CDH8: variants seen among roughly 807,000 people sequenced by gnomAD.
CDH8 encodes the protein cadherin 8.
A neutral mutation model predicts 68.1 loss-of-function variants in CDH8; 17 were observed. That is an observed-to-expected ratio of 0.25 (90% CI 0.17 to 0.37). The LOEUF (loss-of-function observed/expected upper bound fraction) is 0.37, where lower values mean the gene tolerates loss of function less well. Ranked by LOEUF, CDH8 falls within the 10% of genes least tolerant of loss-of-function variation. The pLI is 1.00. For missense variants in CDH8, 763 were observed against 999.3 expected (o/e 0.76, Z 3.19); for synonymous variants, 372 against 365.1 (o/e 1.02, Z -0.21).
At chr16:61,705,646 A>T (rs1249279680) in intron 10 of CDH8, among the ~76,000 whole-genome samples, 1 of 152,172 alleles carries the variant, frequency 6.6e-6, no homozygotes, top group African/African-American at 2.4e-5. Context: ...CACCATTCTG[A>T]CCAGACAAAT....
intron 10 of CDH8, among the ~76,000 whole-genome samples, chr16:61,665,323 A>G (rs1596844670): frequency 6.6e-6 from 1 of 152,042 alleles, no homozygotes; most frequent in African/African-American, 2.4e-5. Flanking sequence ...AGTGTGGCAC[A>G]TATACTCCAT....
At chr16:61,899,054 G>A (rs1449111289) in intron 3 of CDH8, among the ~76,000 whole-genome samples, 6 of 152,048 alleles carry the variant, frequency 3.9e-5, no homozygotes, top group African/African-American at 9.7e-5. Flanking sequence ...AGGTATGCAC[G>A]TGCCATGGTG....
intron 8 of CDH8, among the ~76,000 whole-genome samples, chr16:61,727,832 C>T (rs1596905801): frequency 1.3e-5 from 2 of 151,206 alleles, no homozygotes; most frequent in East Asian, 3.9e-4. Flanking sequence ...TTTATCAATG[C>T]AAACGAATAA....
intron 2 of CDH8, among the ~76,000 whole-genome samples, chr16:61,960,213 GTGTGTGTGTATACACACATATATACA>G (rs1965102242): frequency 4.3e-5 from 1 of 23,062 alleles, no homozygotes. Flanking sequence ...ATATATACAT[GTGTGTGTGTATACACACATATATACA>G]TGTGTGTGTG....
Position 61,653,544 on chromosome 16 carries a change from T to C in CDH8, c.*64A>G. 10 of 1,527,452 alleles carry C rather than the reference T, an allele frequency of 6.5e-6. 1 individual carries two copies. Among genetic ancestry groups the C allele is most frequent in the South Asian group, 2.6e-5 (2 of 75,794 alleles). The allele number at this position is 1,527,452 out of a possible 1,614,324, so 94.6% of individuals were successfully genotyped here. Reference sequence around the variant, plus strand: ...AACAAATAGCCACATTGGTTGTATCTAAGGGGAGTGACCCTAGAATATTAC... The same window carrying C: ...AACAAATAGCCACATTGGTTGTATCCAAGGGGAGTGACCCTAGAATATTAC... On this transcript the variant is annotated 3_prime_UTR_variant, in exon 12 of 12. Coordinates refer to ENST00000577390, the MANE Select transcript of CDH8 (RefSeq NM_001796.5).
rs146967906 is a variant in CDH8, at chr16:61,888,123, G to GA, written c.547+13055_547+13056insT. On this transcript the variant is annotated intron_variant, in intron 3 of 11. Transcript: ENST00000577390. ...TTCAGCAGATCTGCAAGCTCACCAT[G>GA]TTGGCATGCAGCAACATCCAGGCTC... 3.5e-3 allele frequency among the ~76,000 whole-genome samples: 537 copies of GA among 152,256 alleles called. 3 individuals are homozygous for GA. Among genetic ancestry groups the GA allele is most frequent in the Non-Finnish European group, 5.5e-3 (374 of 68,014 alleles).
intron 2 of CDH8, among the ~76,000 whole-genome samples, chr16:62,009,035 A>ACG (rs1901741941): frequency 6.9e-6 from 1 of 145,314 alleles, no homozygotes; most frequent in East Asian, 2.0e-4. Context: ...CACACACAAA[A>ACG]AAAAAAAAAA....
chr16:61,756,177 T>G (rs1596937083), intron 8 of CDH8, among the ~76,000 whole-genome samples: 1 of 152,154 alleles, frequency 6.6e-6, no homozygotes, highest in East Asian at 1.9e-4. Context: ...CACTGATATT[T>G]TGTACATTTT....
intron 2 of CDH8, among the ~76,000 whole-genome samples, chr16:61,933,156 T>C (rs1042376125): frequency 3.3e-5 from 5 of 152,220 alleles, no homozygotes; most frequent in African/African-American, 1.2e-4. Flanking sequence ...TACAGCCAAA[T>C]TTAAATCTAG....
chr16:61,996,673 CAAATT>C (rs978199061), intron 2 of CDH8, among the ~76,000 whole-genome samples: 6 of 152,122 alleles, frequency 3.9e-5, no homozygotes, highest in African/African-American at 7.2e-5. Context: ...TTTCAAAACA[CAAATT>C]AAATTATATT....
chr16:61,701,972 A>G (rs1338804492), intron 10 of CDH8, among the ~76,000 whole-genome samples: 1 of 152,148 alleles, frequency 6.6e-6, no homozygotes, highest in Non-Finnish European at 1.5e-5. Context: ...AACAATTTCT[A>G]TGTTTTTCTA....
chr16:61,666,761 AG>A (rs1963687794), intron 10 of CDH8, among the ~76,000 whole-genome samples: 1 of 152,054 alleles, frequency 6.6e-6, no homozygotes, highest in Non-Finnish European at 1.5e-5. Flanking sequence ...TGTGTTTAGT[AG>A]GTATGGACAA....
chr16:61,656,588 G>A (rs1000227361), intron 10 of CDH8, among the ~76,000 whole-genome samples: 1 of 152,124 alleles, frequency 6.6e-6, no homozygotes, highest in Non-Finnish European at 1.5e-5. Flanking sequence ...ACTACCCGGA[G>A]GAGATATGCC....
chr16:62,035,437 G>A (rs1402730452), intron 1 of CDH8, among the ~76,000 whole-genome samples: 1 of 152,186 alleles, frequency 6.6e-6, no homozygotes, highest in African/African-American at 2.4e-5. Context: ...CAGAGCCGCA[G>A]GGCGACTCCG....
intron 2 of CDH8, among the ~76,000 whole-genome samples, chr16:61,908,672 A>C (rs1450797829): frequency 2.6e-5 from 4 of 152,160 alleles, no homozygotes; most frequent in African/African-American, 7.2e-5. Context: ...ATGGTGGTAG[A>C]TGGAGTGGGA....
At chr16:62,033,521 A>C (rs183672847) in intron 1 of CDH8, among the ~76,000 whole-genome samples, 98 of 152,326 alleles carry the variant, frequency 6.4e-4, no homozygotes, top group Admixed American at 2.5e-3. Flanking sequence ...CCCATCTTGA[A>C]GGCTTTAAGA....
At chr16:61,734,642 T>TTC (rs922680572) in intron 8 of CDH8, among the ~76,000 whole-genome samples, 11 of 150,970 alleles carry the variant, frequency 7.3e-5, no homozygotes, top group East Asian at 1.9e-4. Flanking sequence ...CCTTCCTTCC[T>TTC]TCTCTCTCTC....
At position 62,033,103 on chromosome 16, in the gene CDH8, C is replaced by G. The variant is rs77108486; in HGVS notation, c.-200+2977G>C. ...CTCCTGACTAACAAGCAGTATCAGACCTTTGAGTACATTCACATCAGTCTT... is the reference window on the plus strand; with the variant it reads ...CTCCTGACTAACAAGCAGTATCAGAGCTTTGAGTACATTCACATCAGTCTT... On this transcript the variant is annotated intron_variant, in intron 1 of 11. Transcript: ENST00000577390. 2.0e-5 allele frequency among the ~76,000 whole-genome samples: 3 copies of G among 152,312 alleles called. No homozygotes were observed. In the East Asian group the frequency reaches 5.8e-4, roughly 29 times the overall value.
intron 2 of CDH8, among the ~76,000 whole-genome samples, chr16:62,009,679 G>T (rs1234877095): frequency 6.6e-6 from 1 of 152,104 alleles, no homozygotes; most frequent in Non-Finnish European, 1.5e-5. Context: ...TTATGCTACA[G>T]CTCTGGCGTG....
Sources: gnomAD v4.1 joint callset for allele counts (sites outside exome capture counted in the v4.1 genomes callset) on GRCh38, gnomAD v4.1.1 for gene constraint, MANE v1.5 for transcripts, NCBI Gene and HGNC (gene_info 2026-07-23, HGNC 2026-07-21) for gene names.